LHCGR: variants seen among roughly 807,000 people sequenced by gnomAD.
LHCGR encodes the protein luteinizing hormone/choriogonadotropin receptor, also known as lutropin-choriogonadotropic hormone receptor.
In LHCGR, 55 loss-of-function variants were observed where a neutral mutation model predicts 60.7. The observed-to-expected ratio is 0.91, with a 90% CI of 0.73 to 1.13. The LOEUF (loss-of-function observed/expected upper bound fraction) is 1.13. Among genes scored for constraint, LHCGR ranks in the 50% most tolerant of loss-of-function variants. LHCGR has a pLI of 0.00. For synonymous variants in LHCGR, 337 were observed against 316.5 expected (o/e 1.06, Z -0.69); for missense variants, 862 against 836.0 (o/e 1.03, Z -0.38).
chr2:48,694,183 C>G (rs771884824), intron 10 of LHCGR, 41 bp downstream of exon 10: 39 of 1,162,914 alleles, frequency 3.4e-5, no homozygotes, highest in Non-Finnish European at 4.7e-5. Flanking sequence ...GCACACAGAA[C>G]AAGATACGAC....
Position 48,725,756 on chromosome 2 carries a change from AAG to A in LHCGR, c.309-8_309-7del. On this transcript the variant is annotated splice_region_variant and splice_polypyrimidine_tract_variant and intron_variant, in intron 3 of 10. Transcript: ENST00000294954. ...TTTTGGTGTTCTGGATCAGTCTGTAAAGAGAGAGGGAAAAAAAAAGCTGCTGT... is the reference window on the plus strand; with the variant it reads ...TTTTGGTGTTCTGGATCAGTCTGTAAAGAGAGGGAAAAAAAAAGCTGCTGT... 6.2e-7 allele frequency: 1 copy of A among 1,605,030 alleles called. No homozygotes were observed. The highest frequency in any genetic ancestry group is 2.2e-5 in the East Asian group (1 of 44,808).
chr2:48,708,105 C>A (rs1667786244), intron 8 of LHCGR, among the ~76,000 whole-genome samples: 1 of 152,230 alleles, frequency 6.6e-6, no homozygotes, highest in Non-Finnish European at 1.5e-5. Context: ...CCGTCTTCTG[C>A]ATCGATCTCG....
At chr2:48,718,658 A>G (rs1258707248) in intron 6 of LHCGR, among the ~76,000 whole-genome samples, 1 of 152,252 alleles carries the variant, frequency 6.6e-6, no homozygotes, top group East Asian at 1.9e-4. Flanking sequence ...AAGAAAAGAA[A>G]AGGAAGTCCT....
At chr2:48,755,377 GA>G (rs1190177448) in intron 1 of LHCGR, 133 bp downstream of exon 1, 1 of 637,914 alleles carries the variant, frequency 1.6e-6, no homozygotes, top group Non-Finnish European at 2.7e-6. Context: ...AAACGTGGGG[GA>G]AATTTGATAG....
At chr2:48,731,105 TG>T in intron 2 of LHCGR, 121 bp downstream of exon 2, 1 of 664,240 alleles carries the variant, frequency 1.5e-6, no homozygotes, top group Non-Finnish European at 2.7e-6. Context: ...GATAAAAATA[TG>T]TGAGTATCCT....
At chr2:48,728,221 G>A (rs1287675114) in intron 3 of LHCGR, among the ~76,000 whole-genome samples, 1 of 152,002 alleles carries the variant, frequency 6.6e-6, no homozygotes, top group Non-Finnish European at 1.5e-5. Flanking sequence ...GTGTCACATC[G>A]GTCAAGTTTC....
At chr2:48,747,448 A>T (rs1669759323) in intron 1 of LHCGR, among the ~76,000 whole-genome samples, 1 of 152,118 alleles carries the variant, frequency 6.6e-6, no homozygotes, top group South Asian at 2.1e-4. Flanking sequence ...TTACTAACTT[A>T]TCCCCTCTGG....
intron 3 of LHCGR, among the ~76,000 whole-genome samples, chr2:48,726,186 C>T (rs978617567): frequency 2.6e-5 from 4 of 152,090 alleles, no homozygotes; most frequent in Admixed American, 6.6e-5. Context: ...TCATATTGGC[C>T]GGCAATCACA....
intron 7 of LHCGR, among the ~76,000 whole-genome samples, chr2:48,711,644 C>A (rs1484927078): frequency 6.6e-6 from 1 of 152,188 alleles, no homozygotes; most frequent in African/African-American, 2.4e-5. Flanking sequence ...CTCACACAGA[C>A]ATACTGTGTT....
chr2:48,726,023 CT>C, intron 3 of LHCGR, among the ~76,000 whole-genome samples: 1 of 152,082 alleles, frequency 6.6e-6, no homozygotes, highest in Admixed American at 6.5e-5. Context: ...CCTCCCACCC[CT>C]CTCCCCCACC....
In LHCGR at chr2:48,725,729, A is replaced by G; in HGVS notation, c.330T>C (p.Asn110=). Residue 110 remains asparagine (N), a synonymous_variant, in exon 4 of 11, where the codon AAT becomes AAC. Coordinates refer to ENST00000294954, the MANE Select transcript of LHCGR (RefSeq NM_000233.4). ...ATGCTCCGGGCTCAATGTATCTCAG[A>G]TTTTTGGTGTTCTGGATCAGTCTGT... ...LSEILIQNTK[N]LRYIEPGAFI... 1 of 1,612,896 alleles carries G rather than the reference A, an allele frequency of 6.2e-7. No homozygotes were observed. Among genetic ancestry groups the G allele is most frequent in the Non-Finnish European group, 8.5e-7 (1 of 1,179,098 alleles).
In LHCGR at chr2:48,708,978, G is replaced by T. The variant is rs746391297; in HGVS notation, c.650C>A (p.Ala217Asp). The change falls in exon 8 of 11, where the codon GCC becomes GAC. Residue 217 changes from alanine (A) to aspartate (D), a missense_variant. Transcript: ENST00000294954. ...NVHLEKMHNG[A>D]FRGATGPKTL... ...TTTCGGCCCTGTGGCCCCACGGAAG[G>T]CTCCATTGTGCATCTTCTCCAGATG... 1.2e-6 allele frequency: 2 copies of T among 1,614,132 alleles called. No individual in the cohort carries two copies. The highest frequency in any genetic ancestry group is 1.7e-6 in the Non-Finnish European group (2 of 1,179,992).
At position 48,694,118 on chromosome 2, in the gene LHCGR, A is replaced by C. The variant is rs1037960852; in HGVS notation, c.947+106T>G. On this transcript the variant is annotated intron_variant, in intron 10 of 10. Transcript: ENST00000294954. ...AAACTATTAAAAGTTGCTTTGCAAC[A>C]GCTCCGTAACCAAGACTTGTATCAA... The C allele has an allele frequency of 3.9e-6, 3 of 777,570 alleles. No homozygotes were observed. The African/African-American group carries it at 5.2e-5, about 13-fold the overall frequency. 48.2% of individuals were successfully genotyped at this position (777,570 alleles called of 1,614,324 possible). A position where few individuals can be genotyped will look rare whatever the true frequency, so the allele number is the denominator to read the frequency against.
chr2:48,701,930 C>G (rs959674085), intron 8 of LHCGR, among the ~76,000 whole-genome samples: 1 of 152,202 alleles, frequency 6.6e-6, no homozygotes, highest in Non-Finnish European at 1.5e-5. Context: ...GTTGTTGTCT[C>G]CCTTATGTGA....
chr2:48,739,644 A>G (rs1669347669), intron 1 of LHCGR, among the ~76,000 whole-genome samples: 3 of 150,522 alleles, frequency 2.0e-5, no homozygotes, highest in Non-Finnish European at 4.4e-5. Context: ...GGGGAACATC[A>G]CACACTGGGG....
chr2:48,731,279 C>G lies in LHCGR; in HGVS notation c.181G>C (p.Val61Leu). The G allele has an allele frequency of 6.2e-7, 1 of 1,611,588 alleles. No homozygotes were observed. The highest frequency in any genetic ancestry group is 8.5e-7 in the Non-Finnish European group (1 of 1,178,594). ...AAAGCTTGAGATGGGATCACTTTGA[C>G]AGGGAGGTAGGCAAGTGATCTAGAA... ...LTRLSLAYLP[V>L]KVIPSQAFRG... Residue 61 changes from valine to leucine, a missense_variant, in exon 2 of 11, where the codon GTC becomes CTC. Transcript: ENST00000294954.
intron 1 of LHCGR, among the ~76,000 whole-genome samples, chr2:48,744,549 C>T (rs1294524059): frequency 1.2e-5 from 1 of 86,650 alleles, no homozygotes; most frequent in Non-Finnish European, 2.3e-5. Flanking sequence ...CGCATATCTA[C>T]AACTATCTGA....
intron 10 of LHCGR, 91 bp downstream of exon 10, chr2:48,694,133 A>T: frequency 3.5e-6 from 3 of 857,972 alleles, no homozygotes; most frequent in Non-Finnish European, 5.8e-6. Flanking sequence ...CGTAACCAAG[A>T]CTTGTATCAA....
intron 8 of LHCGR, among the ~76,000 whole-genome samples, chr2:48,705,535 G>A (rs893175646): frequency 1.2e-4 from 19 of 152,116 alleles, no homozygotes; most frequent in East Asian, 3.9e-4. Context: ...AAGTCTCTTC[G>A]TAGTTCTCTA....
Sources: gnomAD v4.1 joint callset for allele counts (sites outside exome capture counted in the v4.1 genomes callset) on GRCh38, gnomAD v4.1.1 for gene constraint, MANE v1.5 for transcripts, NCBI Gene and HGNC (gene_info 2026-07-23, HGNC 2026-07-21) for gene names.